ADCY1: variants seen among roughly 807,000 people sequenced by gnomAD.
ADCY1 encodes adenylate cyclase 1, also known as adenylate cyclase type 1.
ADCY1 carries 28 observed loss-of-function variants against 105.4 expected under a neutral mutation model. That is an observed-to-expected ratio of 0.27 (90% CI 0.20 to 0.36). ADCY1 has a LOEUF of 0.36. ADCY1 is among the 10% of genes least tolerant of loss of function. The pLI is 1.00. For synonymous variants in ADCY1, 655 were observed against 623.8 expected, an observed-to-expected ratio of 1.05 and a Z score of -0.75; for missense variants, 977 against 1,434.2, an observed-to-expected ratio of 0.68 and a Z score of 5.15.
rs923329448 is a variant in ADCY1 at position 45,592,779 on chromosome 7, C to T, written c.660C>T (p.Leu220=). 6.2e-7 allele frequency: 1 copy of T among 1,614,088 alleles called. No homozygotes were observed. The highest frequency in any genetic ancestry group is 1.3e-5 in the African/African-American group (1 of 74,944). The change falls in exon 2 of 20, where the codon CTC becomes CTT. Residue 220 remains leucine, a synonymous_variant. Transcript: ENST00000297323. Reference sequence around the variant, plus strand: ...TGCAGCTCGGTGCCAATGCCTTGCTCTTCGTCGGTGTGAACATGTATGGGG... The same window carrying T: ...TGCAGCTCGGTGCCAATGCCTTGCTTTTCGTCGGTGTGAACATGTATGGGG... ...LWRTLGANAL[L]FVGVNMYGVF...
intron 8 of ADCY1, among the ~76,000 whole-genome samples, chr7:45,674,732 C>T (rs1286690962): frequency 6.6e-6 from 1 of 152,146 alleles, no homozygotes; most frequent in Non-Finnish European, 1.5e-5. Context: ...TTGTTTTATG[C>T]ATACACATTT....
chr7:45,627,135 C>A (rs563702080), intron 4 of ADCY1, among the ~76,000 whole-genome samples: 1 of 152,312 alleles, frequency 6.6e-6, no homozygotes, highest in East Asian at 1.9e-4. Flanking sequence ...GTCTTTGTAA[C>A]ATCCTGGCCA....
At chr7:45,653,932 A>C (rs914140298) in intron 5 of ADCY1, among the ~76,000 whole-genome samples, 4 of 152,220 alleles carry the variant, frequency 2.6e-5, no homozygotes, top group Non-Finnish European at 5.9e-5. Flanking sequence ...TTCTGATTTC[A>C]GGAACCTGCT....
chr7:45,657,254 G>A (rs1381562039), intron 5 of ADCY1, among the ~76,000 whole-genome samples: 1 of 152,246 alleles, frequency 6.6e-6, no homozygotes, highest in Admixed American at 6.5e-5. Flanking sequence ...TGATGCCTGG[G>A]CTGCAGATCC....
At position 45,651,697 on chromosome 7, in the gene ADCY1, C is replaced by G. The variant is rs548213460; in HGVS notation, c.1148+2900C>G. 2.9e-4 allele frequency among the ~76,000 whole-genome samples: 44 copies of G among 152,332 alleles called. No individual in the cohort carries two copies. In the South Asian group the frequency reaches 3.5e-3, roughly 12 times the overall value. On this transcript the variant is annotated intron_variant, in intron 5 of 19. Transcript: ENST00000297323. The stretch of plus-strand genomic sequence containing the variant: ...TTCTGTTCCAGAAAGCCCTTCCCAT[C>G]TCCAAAGGAGCGGGCCATGCCCCAA...
At chr7:45,676,189 T>C (rs1407291301) in intron 8 of ADCY1, among the ~76,000 whole-genome samples, 1 of 152,168 alleles carries the variant, frequency 6.6e-6, no homozygotes, top group Non-Finnish European at 1.5e-5. Context: ...ATTTTGATTA[T>C]TGTATTTTTC....
At chr7:45,620,990 G>T (rs2115918823) in intron 3 of ADCY1, among the ~76,000 whole-genome samples, 1 of 152,188 alleles carries the variant, frequency 6.6e-6, no homozygotes, top group African/African-American at 2.4e-5. Flanking sequence ...ATAGTTACAT[G>T]TGTCACCTTT....
In ADCY1 at chr7:45,603,043, A is replaced by G. The variant is rs753372764; in HGVS notation, c.790-7336A>G. On this transcript the variant is annotated intron_variant, in intron 2 of 19. Coordinates refer to ENST00000297323, the MANE Select transcript of ADCY1 (RefSeq NM_021116.4). ...GATTTACCTGTTCTGGACATTTCAT[A>G]CAAATGGAATCATATAATAGGTGAT... 2.0e-5 allele frequency among the ~76,000 whole-genome samples: 3 copies of G among 152,212 alleles called. No homozygotes were observed. In the East Asian group the frequency reaches 5.8e-4, roughly 29 times the overall value.
At chr7:45,676,814 CCTGGGTGGAG>C (rs1247024759) in intron 8 of ADCY1, among the ~76,000 whole-genome samples, 1 of 150,848 alleles carries the variant, frequency 6.6e-6, no homozygotes, top group Admixed American at 6.6e-5. Flanking sequence ...TCTTTGCTGG[CCTGGGTGGAG>C]CTGGGGCCAC....
intron 4 of ADCY1, among the ~76,000 whole-genome samples, chr7:45,628,597 G>C (rs932972013): frequency 2.6e-5 from 4 of 152,274 alleles, no homozygotes; most frequent in Non-Finnish European, 5.9e-5. Flanking sequence ...CCCATGGGCT[G>C]TGTTTTGGTG....
chr7:45,622,750 G>A lies in ADCY1; in HGVS notation c.1020+7G>A. 2 of 1,606,824 alleles carry A rather than the reference G, an allele frequency of 1.2e-6. No homozygotes were observed. Among genetic ancestry groups the A allele is most frequent in the Non-Finnish European group, 1.7e-6 (2 of 1,175,994 alleles). On this transcript the variant is annotated splice_region_variant and intron_variant, in intron 4 of 19. Coordinates refer to ENST00000297323, the MANE Select transcript of ADCY1 (RefSeq NM_021116.4). ...GTTCGATGAATTAGCCACGGTAAGT[G>A]CAGCGTTTTTCTTTGTTCGAATTAA...
intron 14 of ADCY1, among the ~76,000 whole-genome samples, chr7:45,702,290 C>T (rs1026595069): frequency 1.3e-5 from 2 of 152,190 alleles, no homozygotes; most frequent in Non-Finnish European, 2.9e-5. Context: ...TACAAGTGTT[C>T]CCTCTAACAG....
In ADCY1 at chr7:45,679,756, T is replaced by G. The variant is rs770132408; in HGVS notation, c.1946T>G (p.Val649Gly). The G allele has an allele frequency of 7.4e-6, 12 of 1,614,118 alleles. No individual in the cohort carries two copies. The highest frequency in any genetic ancestry group is 1.3e-5 in the African/African-American group (1 of 74,944). Residue 649 changes from valine to glycine, a missense_variant, in exon 11 of 20, where the codon GTG (valine) becomes GGG (glycine). Val to Gly is a moderately radical substitution (Grantham distance 109, BLOSUM62 -3). Around this residue, in one of 7 missense-constraint regions of ADCY1, gnomAD observed 275 missense variants for 362.1 expected, o/e 0.76. Transcript: ENST00000297323. ...CTAGTATTCTGCATCTGCTTCCTGG[T>G]GGCCTGTGTCCTGTACCTGCACATC... ...LLLVFCICFLVACVLYLHITR... is the reference protein window; with the variant it reads ...LLLVFCICFLGACVLYLHITR...
At chr7:45,587,804 C>CACTTCTGT (rs1562675021) in intron 1 of ADCY1, among the ~76,000 whole-genome samples, 1 of 152,130 alleles carries the variant, frequency 6.6e-6, no homozygotes, top group East Asian at 1.9e-4. Flanking sequence ...AGAGGACATG[C>CACTTCTGT]CCTCACTGCA....
chr7:45,648,646 C>T, intron 4 of ADCY1, 24 bp from the exon 5 acceptor site: 1 of 1,613,904 alleles, frequency 6.2e-7, no homozygotes, highest in South Asian at 1.1e-5. Context: ...TGTCTCTTAC[C>T]ATGTGCCTTG....
intron 3 of ADCY1, among the ~76,000 whole-genome samples, chr7:45,618,298 T>C (rs899145378): frequency 7.9e-5 from 12 of 152,210 alleles, no homozygotes; most frequent in Non-Finnish European, 1.5e-5. Context: ...GTGGAAATAC[T>C]TCTGGATATT....
At chr7:45,639,691 C>T (rs969985412) in intron 4 of ADCY1, among the ~76,000 whole-genome samples, 1 of 152,228 alleles carries the variant, frequency 6.6e-6, no homozygotes, top group African/African-American at 2.4e-5. Context: ...TTCTCAGTCC[C>T]ACAGTGACTG....
intron 5 of ADCY1, among the ~76,000 whole-genome samples, chr7:45,652,554 G>A (rs1252298126): frequency 6.6e-6 from 1 of 152,334 alleles, no homozygotes; most frequent in Non-Finnish European, 1.5e-5. Context: ...TTTGAAGAAT[G>A]TTTATTCCTA....
intron 2 of ADCY1, among the ~76,000 whole-genome samples, chr7:45,599,751 C>T (rs374267357): frequency 6.9e-4 from 105 of 152,024 alleles, no homozygotes; most frequent in Middle Eastern, 3.4e-3. Context: ...CTCAGCCTCC[C>T]GAGTAGCTGG....
Sources: allele counts gnomAD v4.1 joint callset (sites outside exome capture counted in the v4.1 genomes callset), GRCh38; gene constraint gnomAD v4.1.1; regional missense constraint gnomAD v4.1.1; transcripts MANE v1.5; gene names NCBI Gene and HGNC (gene_info 2026-07-23, HGNC 2026-07-21).